CACNA1D: variants seen among roughly 807,000 people sequenced by gnomAD.
The protein encoded by CACNA1D is voltage-dependent L-type calcium channel subunit alpha-1D.
Under a neutral mutation model 257.1 loss-of-function variants are expected in CACNA1D, and 55 were observed. The ratio of observed to expected loss-of-function variants is 0.21; its 90% CI spans 0.17 to 0.27. CACNA1D has a LOEUF of 0.27. Among genes scored for constraint, CACNA1D ranks in the 10% least tolerant of loss-of-function variants. The probability of loss-of-function intolerance (pLI) is 1.00; values close to 1 mark genes in which losing one functional copy is unlikely to be tolerated. For missense variants in CACNA1D, 1,876 were observed against 2,784.0 expected (o/e 0.67, Z 7.34); for synonymous variants, 980 against 1,014.9 (o/e 0.97, Z 0.65).
intron 30 of CACNA1D, among the ~76,000 whole-genome samples, chr3:53,767,355 A>G (rs1167876733): frequency 6.6e-6 from 1 of 152,168 alleles, no homozygotes; most frequent in African/African-American, 2.4e-5. Flanking sequence ...ACCTGAGGTC[A>G]GGAGTTGGAG....
At chr3:53,623,633 TTTG>T (rs2093723819) in intron 3 of CACNA1D, among the ~76,000 whole-genome samples, 1 of 55,332 alleles carries the variant, frequency 1.8e-5, no homozygotes, top group Non-Finnish European at 4.9e-5. Context: ...ACAGTGCTAT[TTTG>T]TTTATCTTCT....
intron 3 of CACNA1D, among the ~76,000 whole-genome samples, chr3:53,628,590 T>C (rs1221741873): frequency 6.6e-6 from 1 of 152,210 alleles, no homozygotes; most frequent in African/African-American, 2.4e-5. Flanking sequence ...ATGGGAATAA[T>C]GAGGGATCAG....
chr3:53,509,953 A>G (rs2091038093), intron 3 of CACNA1D, among the ~76,000 whole-genome samples: 1 of 152,260 alleles, frequency 6.6e-6, no homozygotes, highest in Non-Finnish European at 1.5e-5. Context: ...CCTCCTGTGC[A>G]GAGCACAGCA....
rs568955412 is a variant in CACNA1D, at chr3:53,802,173, G to A, written c.5435G>A (p.Arg1812Lys). 10 of 1,606,218 alleles carry A rather than the reference G, an allele frequency of 6.2e-6. No individual in the cohort carries two copies. In the Admixed American group the frequency reaches 8.3e-5, roughly 13 times the overall value. ...ACCCGCTATTATGAAACTTACATTAGGTATGTGCTCATTACCTGTTTTTGT... is the reference window on the plus strand; with the variant it reads ...ACCCGCTATTATGAAACTTACATTAAGTATGTGCTCATTACCTGTTTTTGT... Reference protein sequence around the residue: ...KRTRYYETYIRSDSGDEQLPT... With the variant: ...KRTRYYETYIKSDSGDEQLPT... The change falls in exon 43 of 48, where the codon AGG (arginine) becomes AAG (lysine). Residue 1812 changes from arginine to lysine, a missense_variant and splice_region_variant. By Grantham distance (26) the Arg-to-Lys change is conservative (BLOSUM62 2). This residue lies in a region of CACNA1D where 491 missense variants were observed against 554.3 expected (regional missense o/e 0.89). Coordinates refer to ENST00000350061, the MANE Select transcript of CACNA1D (RefSeq NM_001128840.3).
At chr3:53,677,338 T>G (rs958716457) in intron 8 of CACNA1D, among the ~76,000 whole-genome samples, 13 of 152,234 alleles carry the variant, frequency 8.5e-5, no homozygotes, top group Non-Finnish European at 4.4e-5. Context: ...ACTCTGGGAC[T>G]TCACTGAGTT....
At chr3:53,589,026 G>A (rs779577692) in intron 3 of CACNA1D, among the ~76,000 whole-genome samples, 3 of 152,116 alleles carry the variant, frequency 2.0e-5, no homozygotes, top group Admixed American at 1.3e-4. Context: ...TACGCATCAC[G>A]GCAGATGTGT....
intron 9 of CACNA1D, among the ~76,000 whole-genome samples, chr3:53,706,263 T>C (rs1011990221): frequency 5.3e-5 from 8 of 152,220 alleles, no homozygotes; most frequent in African/African-American, 1.9e-4. Flanking sequence ...GAAGAAATGC[T>C]TCCTGATAGC....
At chr3:53,710,474 T>A (rs2094741110) in intron 9 of CACNA1D, 1 of 456,640 alleles carries the variant, frequency 2.2e-6, no homozygotes, top group Admixed American at 2.3e-5. Context: ...GGGCTAAAGA[T>A]CATGGTAAAT....
At chr3:53,518,229 C>T (rs2091419862) in intron 3 of CACNA1D, among the ~76,000 whole-genome samples, 1 of 152,202 alleles carries the variant, frequency 6.6e-6, no homozygotes, top group African/African-American at 2.4e-5. Context: ...CCTTCTGAAC[C>T]ACAGACTTGC....
chr3:53,763,460 C>G lies in CACNA1D; in HGVS notation c.3870+1379C>G, dbSNP rs568980732. Among the ~76,000 whole-genome samples the G allele has an allele frequency of 7.9e-5, 12 of 152,292 alleles. No homozygotes were observed. In the South Asian group the frequency reaches 2.3e-3, roughly 29 times the overall value. On this transcript the variant is annotated intron_variant, in intron 30 of 47. Coordinates refer to ENST00000350061, the MANE Select transcript of CACNA1D (RefSeq NM_001128840.3). ...AGGCCTCAGGCAGGCAGAAAGGGCC[C>G]TGTCTACCTGATCTGTTCCCAGTTC...
At chr3:53,561,568 G>A (rs1400241943) in intron 3 of CACNA1D, among the ~76,000 whole-genome samples, 1 of 152,188 alleles carries the variant, frequency 6.6e-6, no homozygotes, top group Non-Finnish European at 1.5e-5. Context: ...CTGGGACCAT[G>A]TGTGATGGCT....
At chr3:53,526,782 G>T (rs867832011) in intron 3 of CACNA1D, among the ~76,000 whole-genome samples, 10 of 152,158 alleles carry the variant, frequency 6.6e-5, no homozygotes, top group Admixed American at 2.6e-4. Flanking sequence ...CCTCAGAGTT[G>T]CTATGAGAAA....
intron 3 of CACNA1D, among the ~76,000 whole-genome samples, chr3:53,577,713 G>T (rs750795900): frequency 2.6e-5 from 4 of 152,110 alleles, no homozygotes; most frequent in Non-Finnish European, 5.9e-5. Context: ...TGGCCGCCCT[G>T]GAGATGTGAG....
rs312480 is a variant in CACNA1D, at chr3:53,495,113, T to C, written c.-54T>C. 0.9 allele frequency: 1,158,855 copies of C among 1,294,732 alleles called. 520,639 individuals carry two copies. The highest frequency in any genetic ancestry group is 0.97 in the East Asian group (40,422 of 41,538). The allele number at this position is 1,294,732 out of a possible 1,614,324, so 80.2% of individuals were successfully genotyped here. ...TCCCCTTCCCCATTCCGCCCCCGCC[T>C]CAACGCCCAGCACAGTGCCCTGCAC... On this transcript the variant is annotated 5_prime_UTR_variant, in exon 1 of 48. Coordinates refer to ENST00000350061, the MANE Select transcript of CACNA1D (RefSeq NM_001128840.3). The surrounding 1 kb of genome is among the most constrained non-coding windows in gnomAD (Gnocchi z 5.1).
At chr3:53,631,619 C>G (rs1264285310) in intron 3 of CACNA1D, among the ~76,000 whole-genome samples, 2 of 152,172 alleles carry the variant, frequency 1.3e-5, no homozygotes, top group African/African-American at 2.4e-5. Context: ...GAATTCCTCC[C>G]AGAGGTTTTC....
intron 3 of CACNA1D, among the ~76,000 whole-genome samples, chr3:53,587,096 C>T (rs774281461): frequency 7.9e-5 from 12 of 152,216 alleles, no homozygotes; most frequent in Non-Finnish European, 1.5e-4. Flanking sequence ...GTTTTTAAAG[C>T]TGTGAGAAGC....
chr3:53,767,138 T>C (rs1350227567), intron 30 of CACNA1D, among the ~76,000 whole-genome samples: 2 of 152,156 alleles, frequency 1.3e-5, no homozygotes. Flanking sequence ...CCACTCTGTA[T>C]GGCCGCTCGA....
Position 53,671,709 on chromosome 3 carries a change from A to G in CACNA1D, c.1117-1314A>G, listed in dbSNP as rs890927586. Among the ~76,000 whole-genome samples, 5 of 152,198 alleles carry G rather than the reference A, an allele frequency of 3.3e-5. No individual in the cohort carries two copies. In the South Asian group the frequency reaches 6.2e-4, roughly 19 times the overall value. ...ATAAGGGATTTAATGCCCTCTCCCT[A>G]GACTTCAGCAACAGATGTTAGGTAA... On this transcript the variant is annotated intron_variant, in intron 7 of 47. Transcript: ENST00000350061.
intron 3 of CACNA1D, among the ~76,000 whole-genome samples, chr3:53,509,276 C>CT (rs2107220505): frequency 6.8e-6 from 1 of 146,094 alleles, no homozygotes; most frequent in Non-Finnish European, 1.5e-5. Flanking sequence ...TCCACAGCCC[C>CT]CTCTGTGTGT....
Sources: gnomAD v4.1 joint callset for allele counts (sites outside exome capture counted in the v4.1 genomes callset) on GRCh38, gnomAD v4.1.1 for gene constraint, gnomAD v4.1.1 regional missense constraint, Gnocchi (gnomAD v3.1) non-coding constraint, MANE v1.5 for transcripts, NCBI Gene and HGNC (gene_info 2026-07-23, HGNC 2026-07-21) for gene names.